ATP1B3: variants seen among roughly 807,000 people sequenced by gnomAD.
ATP1B3 encodes the protein ATPase Na+/K+ transporting subunit beta 3, also known as sodium/potassium-transporting ATPase subunit beta-3.
Under a neutral mutation model 30.2 loss-of-function variants are expected in ATP1B3, and 10 were observed. The ratio of observed to expected loss-of-function variants is 0.33; its 90% CI spans 0.20 to 0.56. ATP1B3 has a LOEUF of 0.56. Among genes scored for constraint, ATP1B3 ranks in the 20% least tolerant of loss-of-function variants. ATP1B3 has a pLI of 0.90. For synonymous variants in ATP1B3, 113 were observed against 117.0 expected, an observed-to-expected ratio of 0.97 and a Z score of 0.22; for missense variants, 238 against 336.7, an observed-to-expected ratio of 0.71 and a Z score of 2.29.
rs116935871 is a variant in ATP1B3 at position 141,920,611 on chromosome 3, G to A, written c.583-1366G>A. ...AAAAAAATCCTTTTTTTCATTTTGCGGAAATGTGTTCTGTGAAGGTCATAT... is the reference window on the plus strand; with the variant it reads ...AAAAAAATCCTTTTTTTCATTTTGCAGAAATGTGTTCTGTGAAGGTCATAT... On this transcript the variant is annotated intron_variant, in intron 5 of 6. Transcript: ENST00000286371. Among the ~76,000 whole-genome samples the A allele has an allele frequency of 1.6e-3, 237 of 152,050 alleles. 4 individuals are homozygous for A. In the East Asian group the frequency reaches 0.029, roughly 19 times the overall value.
Position 141,907,058 on chromosome 3 carries a change from C to T in ATP1B3, c.239-109C>T, listed in dbSNP as rs1934276106. 8.5e-6 allele frequency: 6 copies of T among 703,736 alleles called. No individual in the cohort carries two copies. In the East Asian group the frequency reaches 1.7e-4, roughly 20 times the overall value. 43.6% of individuals were successfully genotyped at this position (703,736 alleles called of 1,614,324 possible). ...GGAAGTTCTTGATAGTTTCAGCATACTGTCAACACAATTTTCCATGTAATT... is the reference window on the plus strand; with the variant it reads ...GGAAGTTCTTGATAGTTTCAGCATATTGTCAACACAATTTTCCATGTAATT... On this transcript the variant is annotated intron_variant, in intron 2 of 6. Transcript: ENST00000286371.
At chr3:141,904,712 T>C (rs1934232041) in intron 2 of ATP1B3, among the ~76,000 whole-genome samples, 1 of 144,330 alleles carries the variant, frequency 6.9e-6, no homozygotes, top group Non-Finnish European at 1.5e-5. Context: ...TCTTTTTTTT[T>C]TTTTTTTTTT....
chr3:141,895,188 C>CTTTTT (rs1176839559), intron 1 of ATP1B3, among the ~76,000 whole-genome samples: 2 of 121,426 alleles, frequency 1.6e-5, no homozygotes, highest in Non-Finnish European at 1.8e-5. Context: ...TCTTTCTTTT[C>CTTTTT]TTTTTTTTTT....
chr3:141,894,703 G>A (rs979529644), intron 1 of ATP1B3, among the ~76,000 whole-genome samples: 1 of 152,140 alleles, frequency 6.6e-6, no homozygotes, highest in Non-Finnish European at 1.5e-5. Flanking sequence ...GTCTTCAGGG[G>A]CAGCAACACG....
intron 1 of ATP1B3, among the ~76,000 whole-genome samples, chr3:141,889,653 A>C (rs1287847001): frequency 6.7e-6 from 1 of 148,784 alleles, no homozygotes; most frequent in Non-Finnish European, 1.5e-5. Flanking sequence ...ACTTGAACGC[A>C]GGAGGCAGAG....
chr3:141,895,457 T>G (rs1934047556), intron 1 of ATP1B3, among the ~76,000 whole-genome samples: 1 of 152,168 alleles, frequency 6.6e-6, no homozygotes, highest in South Asian at 2.1e-4. Flanking sequence ...CTCAAAGTAC[T>G]GGGATTACAA....
intron 5 of ATP1B3, among the ~76,000 whole-genome samples, chr3:141,917,466 C>A: frequency 6.6e-6 from 1 of 151,844 alleles, no homozygotes; most frequent in East Asian, 2.0e-4. Flanking sequence ...GAGGCTGAGG[C>A]AGGCAGATCA....
At chr3:141,922,216 A>G (rs1318197947) in intron 6 of ATP1B3, 153 bp downstream of exon 6, 3 of 524,296 alleles carry the variant, frequency 5.7e-6, no homozygotes, top group Non-Finnish European at 1.0e-5. Context: ...GTGATGGTAA[A>G]TGGAGTTCCC....
intron 1 of ATP1B3, among the ~76,000 whole-genome samples, chr3:141,893,155 C>T (rs1037572385): frequency 9.2e-5 from 14 of 151,958 alleles, no homozygotes; most frequent in South Asian, 2.1e-4. Flanking sequence ...ATTACAGGCA[C>T]GCACCACCAC....
intron 1 of ATP1B3, among the ~76,000 whole-genome samples, chr3:141,892,804 G>A (rs987907273): frequency 4.6e-5 from 7 of 152,250 alleles, no homozygotes; most frequent in Admixed American, 4.6e-4. Context: ...TTTTGGACAT[G>A]ATGGTAATGT....
chr3:141,919,795 C>T (rs961838913), intron 5 of ATP1B3, among the ~76,000 whole-genome samples: 1 of 151,962 alleles, frequency 6.6e-6, no homozygotes, highest in African/African-American at 2.4e-5. Context: ...AAAAATGAGC[C>T]TGACGTGGTG....
intron 5 of ATP1B3, among the ~76,000 whole-genome samples, chr3:141,916,940 A>C (rs1328329933): frequency 6.6e-6 from 1 of 151,486 alleles, no homozygotes; most frequent in Admixed American, 6.6e-5. Context: ...ATCTCACTGC[A>C]AGCTCCGCCT....
chr3:141,895,484 C>T (rs765645230), intron 1 of ATP1B3, among the ~76,000 whole-genome samples: 5 of 152,146 alleles, frequency 3.3e-5, no homozygotes, highest in South Asian at 2.1e-4. Flanking sequence ...GCCACTGCGT[C>T]CCGCCTCTTT....
chr3:141,910,083 T>C (rs918132637), intron 3 of ATP1B3, among the ~76,000 whole-genome samples: 3 of 152,202 alleles, frequency 2.0e-5, no homozygotes, highest in Non-Finnish European at 4.4e-5. Flanking sequence ...GTGATCCTCC[T>C]GCCTCAGCCT....
chr3:141,892,036 G>T (rs750533014), intron 1 of ATP1B3, among the ~76,000 whole-genome samples: 2 of 152,042 alleles, frequency 1.3e-5, no homozygotes, highest in Admixed American at 6.5e-5. Context: ...GGTAACTGTT[G>T]TGTTTTAAAA....
chr3:141,903,737 TTCCTAGC>T lies in ATP1B3; in HGVS notation c.228_234del (p.Pro77GlnfsTer10). On this transcript the variant is annotated frameshift_variant, in exon 2 of 7. Coordinates refer to ENST00000286371, the MANE Select transcript of ATP1B3 (RefSeq NM_001679.4). LOFTEE classifies it high-confidence loss of function. ...GAGGTTCCAAAATACCGTGACCAGA[TTCCTAGC>T]CCAGGTAATTATCTTGCAGTTATGA... is the stretch of plus-strand genomic sequence containing the variant. 6.2e-7 allele frequency: 1 copy of T among 1,613,876 alleles called. No individual in the cohort carries two copies.
At position 141,913,855 on chromosome 3, in the gene ATP1B3, T is replaced by TCTG; in HGVS notation, c.531+28_531+30dup. 1 of 1,573,634 alleles carries TCTG rather than the reference T, an allele frequency of 6.4e-7. No individual in the cohort carries two copies. Among genetic ancestry groups the TCTG allele is most frequent in the East Asian group, 2.3e-5 (1 of 44,032 alleles). On this transcript the variant is annotated intron_variant, in intron 4 of 6. Coordinates refer to ENST00000286371, the MANE Select transcript of ATP1B3 (RefSeq NM_001679.4). Reference sequence around the variant, plus strand: ...GAACAGAGTACGTACATATTTTACCTCTGCTGCTGCTTTTTTCTAATATTC... The same window carrying TCTG: ...GAACAGAGTACGTACATATTTTACCTCTGCTGCTGCTGCTTTTTTCTAATATTC...
intron 1 of ATP1B3, among the ~76,000 whole-genome samples, chr3:141,889,826 TATAC>T (rs1933908171): frequency 7.1e-6 from 1 of 141,472 alleles, no homozygotes; most frequent in South Asian, 2.4e-4. Context: ...TGTATATACA[TATAC>T]ATATATATAT....
chr3:141,921,773 T>A (rs912875979), intron 5 of ATP1B3: 4 of 401,746 alleles, frequency 1.0e-5, no homozygotes, highest in African/African-American at 8.5e-5. Context: ...TCAGGATAGT[T>A]CATGTGGAAG....
Sources: allele counts gnomAD v4.1 joint callset (sites outside exome capture counted in the v4.1 genomes callset), GRCh38; gene constraint gnomAD v4.1.1; transcripts MANE v1.5; gene names NCBI Gene and HGNC (gene_info 2026-07-23, HGNC 2026-07-21).